The following FGF1 variants were observed in gnomAD, a reference collection of about 807,000 sequenced individuals.
FGF1 encodes the protein beta-endothelial cell growth factor.
In FGF1, 9 loss-of-function variants were observed where a neutral mutation model predicts 13.4. That is an observed-to-expected ratio of 0.67 (90% confidence interval 0.40 to 1.17). FGF1 has a LOEUF of 1.17. Ranked by LOEUF, FGF1 falls within the 50% of genes most tolerant of loss-of-function variation. The pLI, the probability that FGF1 is intolerant of heterozygous loss-of-function variation, is 0.01. For synonymous variants in FGF1, 93 were observed against 79.0 expected (o/e 1.18, Z -0.94); for missense variants, 156 against 192.7 (o/e 0.81, Z 1.13).
At chr5:142,652,301 G>A (rs1031706964) in intron 1 of FGF1, among the ~76,000 whole-genome samples, 2 of 152,180 alleles carry the variant, frequency 1.3e-5, no homozygotes, top group Non-Finnish European at 2.9e-5. Flanking sequence ...CATTTAAATT[G>A]TAAGGTCGTA....
intron 1 of FGF1, among the ~76,000 whole-genome samples, chr5:142,619,372 T>C (rs1001544225): frequency 3.9e-5 from 6 of 152,200 alleles, no homozygotes. Flanking sequence ...GGATGTATCC[T>C]CAAACCCAGC....
At chr5:142,666,291 C>CACAG (rs1333413901) in intron 1 of FGF1, among the ~76,000 whole-genome samples, 5 of 150,878 alleles carry the variant, frequency 3.3e-5, no homozygotes, top group Non-Finnish European at 7.4e-5. Flanking sequence ...CACACACACA[C>CACAG]ACACACACAC....
chr5:142,640,401 G>T (rs1248976834), intron 1 of FGF1, among the ~76,000 whole-genome samples: 1 of 147,864 alleles, frequency 6.8e-6, no homozygotes, highest in Admixed American at 6.7e-5. Flanking sequence ...TGGAAGGGGA[G>T]AGTGCACCAG....
intron 1 of FGF1, among the ~76,000 whole-genome samples, chr5:142,650,248 C>T (rs370824372): frequency 1.6e-4 from 25 of 152,234 alleles, no homozygotes; most frequent in Admixed American, 2.0e-4. Context: ...CATGCTAGGG[C>T]GTGACATTTG....
chr5:142,607,385 G>A (rs1215471821), intron 2 of FGF1, among the ~76,000 whole-genome samples: 1 of 152,184 alleles, frequency 6.6e-6, no homozygotes, highest in Non-Finnish European at 1.5e-5. Context: ...GAACAGGAAG[G>A]TCAGTGTCTC....
intron 1 of FGF1, among the ~76,000 whole-genome samples, chr5:142,667,263 A>T (rs1195550741): frequency 6.8e-6 from 1 of 146,910 alleles, no homozygotes; most frequent in African/African-American, 2.5e-5. Flanking sequence ...CAGCCTGGGC[A>T]ACAGAGCGAG....
Position 142,613,975 on chromosome 5 carries a change from G to A in FGF1, c.153C>T (p.Asp51=). The A allele has an allele frequency of 6.2e-7, 1 of 1,614,020 alleles. No individual in the cohort carries two copies. Among genetic ancestry groups the A allele is most frequent in the East Asian group, 2.2e-5 (1 of 44,880 alleles). ...TGGGCTTACTGTGCTGGTCGCTCCT[G>A]TCCCTTGTCCCATCCACTGTGCCAT... ...LPDGTVDGTR[D]RSDQHIQLQL... The change falls in exon 2 of 4, where the codon GAC becomes GAT. Residue 51 remains aspartate (D), a synonymous_variant. Transcript: ENST00000337706.
At chr5:142,604,067 C>A (rs940577187) in intron 2 of FGF1, among the ~76,000 whole-genome samples, 3 of 152,124 alleles carry the variant, frequency 2.0e-5, no homozygotes, top group Admixed American at 1.3e-4. Flanking sequence ...TAGGCAAATC[C>A]ATAAAGACAG....
chr5:142,644,841 G>C (rs1291595692), intron 1 of FGF1, among the ~76,000 whole-genome samples: 4 of 152,166 alleles, frequency 2.6e-5, no homozygotes, highest in Admixed American at 2.6e-4. Context: ...AATGCCAAAT[G>C]AATGAACAAG....
intron 1 of FGF1, among the ~76,000 whole-genome samples, chr5:142,627,396 C>T (rs574041346): frequency 6.6e-6 from 1 of 152,280 alleles, no homozygotes; most frequent in East Asian, 1.9e-4. Flanking sequence ...ATAATGTCAT[C>T]CCCATTTCCA....
intron 1 of FGF1, among the ~76,000 whole-genome samples, chr5:142,619,013 C>T (rs998380900): frequency 1.4e-5 from 2 of 144,348 alleles, no homozygotes; most frequent in Non-Finnish European, 3.0e-5. Context: ...CGGCTCACTG[C>T]AAGCTCCGCC....
intron 1 of FGF1, among the ~76,000 whole-genome samples, chr5:142,642,866 T>G (rs1422660610): frequency 4.6e-5 from 7 of 152,202 alleles, no homozygotes; most frequent in Non-Finnish European, 2.9e-5. Flanking sequence ...TCCTAGAAAC[T>G]GCTCTTCTGT....
intron 1 of FGF1, among the ~76,000 whole-genome samples, chr5:142,652,841 C>T (rs900701871): frequency 1.3e-5 from 2 of 152,270 alleles, no homozygotes; most frequent in Admixed American, 6.5e-5. Context: ...TCATGCTGGG[C>T]ACATCTGCTC....
intron 1 of FGF1, among the ~76,000 whole-genome samples, chr5:142,623,681 G>C (rs948512457): frequency 2.6e-5 from 4 of 151,568 alleles, no homozygotes; most frequent in Admixed American, 2.6e-4. Flanking sequence ...ATCTGGTATT[G>C]ATTTAGGATT....
At chr5:142,597,223 C>T (rs1755459733) in intron 3 of FGF1, among the ~76,000 whole-genome samples, 1 of 152,138 alleles carries the variant, frequency 6.6e-6, no homozygotes, top group Non-Finnish European at 1.5e-5. Flanking sequence ...GATGTATTAC[C>T]TTTGACTCAG....
intron 1 of FGF1, among the ~76,000 whole-genome samples, chr5:142,665,532 C>CCTGT (rs1770138435): frequency 1.3e-5 from 2 of 152,272 alleles, no homozygotes; most frequent in African/African-American, 4.8e-5. Context: ...TCTTCATCTT[C>CCTGT]CTGTCTCCTC....
chr5:142,643,660 G>A (rs1008766630), intron 1 of FGF1, among the ~76,000 whole-genome samples: 1 of 152,128 alleles, frequency 6.6e-6, no homozygotes, highest in African/African-American at 2.4e-5. Flanking sequence ...AGAGGTGACC[G>A]CTAAGGAATC....
chr5:142,657,182 G>A (rs1768317765), intron 1 of FGF1, among the ~76,000 whole-genome samples: 1 of 152,196 alleles, frequency 6.6e-6, no homozygotes, highest in Admixed American at 6.5e-5. Context: ...CTCCCAAAGT[G>A]TTGGGATTAC....
At chr5:142,632,232 G>C (rs1692360833) in intron 1 of FGF1, among the ~76,000 whole-genome samples, 1 of 152,128 alleles carries the variant, frequency 6.6e-6, no homozygotes, top group Admixed American at 6.5e-5. Flanking sequence ...GGGCTCTTTT[G>C]GTTATAAAGA....
Sources: gnomAD v4.1 joint callset for allele counts (sites outside exome capture counted in the v4.1 genomes callset) on GRCh38, gnomAD v4.1.1 for gene constraint, MANE v1.5 for transcripts, NCBI Gene and HGNC (gene_info 2026-07-23, HGNC 2026-07-21) for gene names.